Variants in WDPCP observed in about 807,000 individuals in gnomAD.
WDPCP encodes WD repeat containing planar cell polarity effector.
A neutral mutation model predicts 93.1 loss-of-function variants in WDPCP; 71 were observed. The observed-to-expected ratio is 0.76, with a 90% CI of 0.63 to 0.93. The LOEUF (loss-of-function observed/expected upper bound fraction) is 0.93, where lower values mean the gene tolerates loss of function less well. Among genes scored for constraint, WDPCP ranks in the 40% least tolerant of loss-of-function variants. WDPCP has a pLI of 0.00. For synonymous variants in WDPCP, 315 were observed against 315.0 expected (o/e 1.00, Z 0.00); for missense variants, 844 against 887.4 (o/e 0.95, Z 0.62).
At chr2:63,564,178 CATT>C (rs1369150901) in intron 1 of WDPCP, 2 of 152,150 alleles carry the variant, frequency 1.3e-5, no homozygotes, top group Non-Finnish European at 2.9e-5. Flanking sequence ...AAAGGTGCTT[CATT>C]ATAAGGGTCA....
At position 63,404,289 on chromosome 2, in the gene WDPCP, T is replaced by G. The variant is rs1694384456; in HGVS notation, c.1194A>C (p.Gln398His). ...SGAILLVGSN[Q>H]GELQIFDMAL... ...CCATATCAAAAATTTGCAACTCCCC[T>G]TGGTTGCTGCCAACTAGCAGAATGG... The change falls in exon 10 of 18, where the codon CAA becomes CAC. Residue 398 changes from glutamine to histidine, a missense_variant. Coordinates refer to ENST00000272321, the MANE Select transcript of WDPCP (RefSeq NM_015910.7). The G allele has an allele frequency of 6.2e-7, 1 of 1,614,012 alleles. No homozygotes were observed. The highest frequency in any genetic ancestry group is 1.7e-5 in the Admixed American group (1 of 59,970).
intron 10 of WDPCP, among the ~76,000 whole-genome samples, chr2:63,391,085 C>G (rs1031414246): frequency 6.6e-6 from 1 of 151,960 alleles, no homozygotes; most frequent in Non-Finnish European, 1.5e-5. Context: ...GAGACACACA[C>G]AAAAAAGAGA....
intron 14 of WDPCP, among the ~76,000 whole-genome samples, chr2:63,194,601 A>G (rs187286666): frequency 2.2e-4 from 34 of 152,304 alleles, no homozygotes; most frequent in African/African-American, 7.2e-4. Flanking sequence ...TCATCTTAGA[A>G]ATCTTTGATA....
intron 9 of WDPCP, among the ~76,000 whole-genome samples, chr2:63,413,174 A>C (rs1695147771): frequency 6.6e-6 from 1 of 152,236 alleles, no homozygotes; most frequent in South Asian, 2.1e-4. Context: ...AAAAATATGC[A>C]CACAGGCCAA....
rs544090035 is a variant in WDPCP, at chr2:63,556,733, G to A, written c.75+31464C>T. On this transcript the variant is annotated intron_variant, in intron 1 of 17. Coordinates refer to ENST00000272321, the MANE Select transcript of WDPCP (RefSeq NM_015910.7). ...CATAATCATCAGATTTTCCAAGGTC[G>A]AAATGAAGGAAAAAATGTTAAGGAC... is the stretch of plus-strand genomic sequence containing the variant. Among the ~76,000 whole-genome samples the A allele has an allele frequency of 1.9e-3, 295 of 151,876 alleles. 1 individual carries two copies. The highest frequency in any genetic ancestry group is 3.2e-3 in the Non-Finnish European group (219 of 67,910).
chr2:63,267,611 T>C (rs183602994), intron 13 of WDPCP, among the ~76,000 whole-genome samples: 1 of 152,266 alleles, frequency 6.6e-6, no homozygotes, highest in Admixed American at 6.5e-5. Flanking sequence ...ATCCAAAATA[T>C]ATAAGGAATT....
intron 13 of WDPCP, among the ~76,000 whole-genome samples, chr2:63,310,363 C>A (rs193222510): frequency 6.6e-6 from 1 of 152,180 alleles, no homozygotes; most frequent in East Asian, 1.9e-4. Flanking sequence ...CCTGAAAGAA[C>A]CCACCTCTTT....
In WDPCP at chr2:63,404,472, C is replaced by G. The variant is rs1694406253; in HGVS notation, c.1011G>C (p.Lys337Asn). 14 of 1,614,146 alleles carry G rather than the reference C, an allele frequency of 8.7e-6. No homozygotes were observed. The highest frequency in any genetic ancestry group is 1.3e-5 in the African/African-American group (1 of 75,056). ...QCVSVTRIPLKSKAISCCRNV... is the reference protein window; with the variant it reads ...QCVSVTRIPLNSKAISCCRNV... ...TCCTGCAGCAGCTGATGGCCTTTGA[C>G]TTTAGTGGTATTCTGGTGACTGACA... Residue 337 changes from lysine (K) to asparagine (N), a missense_variant, in exon 10 of 18, where the codon AAG (lysine) becomes AAC (asparagine). By Grantham distance (94) the Lys-to-Asn change is moderately conservative. Coordinates refer to ENST00000272321, the MANE Select transcript of WDPCP (RefSeq NM_015910.7).
intron 2 of WDPCP, among the ~76,000 whole-genome samples, chr2:63,667,993 G>T (rs1710302907): frequency 6.6e-6 from 1 of 152,112 alleles, no homozygotes; most frequent in Admixed American, 6.6e-5. Context: ...CCTTTCTCCA[G>T]TTCTCTTTGT....
At chr2:63,452,771 C>A (rs1402010523) in intron 6 of WDPCP, among the ~76,000 whole-genome samples, 1 of 151,914 alleles carries the variant, frequency 6.6e-6, no homozygotes, top group African/African-American at 2.4e-5. Context: ...CAGAACAGAG[C>A]CCTCAGAAAT....
At chr2:63,579,599 G>C (rs896211835) in intron 1 of WDPCP, among the ~76,000 whole-genome samples, 2 of 152,080 alleles carry the variant, frequency 1.3e-5, no homozygotes, top group African/African-American at 2.4e-5. Flanking sequence ...AACAGAGCTA[G>C]ACTCCATCTC....
In WDPCP at chr2:63,720,366, G is replaced by A. The variant is rs368792863; in HGVS notation, n.309-69528C>T. Among the ~76,000 whole-genome samples, 6 of 150,814 alleles carry A rather than the reference G, an allele frequency of 4.0e-5. No individual in the cohort carries two copies. The East Asian group carries it at 5.9e-4, about 15-fold the overall frequency. On this transcript the variant is annotated intron_variant and non_coding_transcript_variant, in intron 2 of 4. Transcript: ENST00000467687. ...CATGAGGCAGAGGTTGCGGCGAGCC[G>A]AGATTGCGCCACTGCACTCCAGCCC... is the stretch of plus-strand genomic sequence containing the variant.
chr2:63,647,136 G>C (rs1225763838), intron 3 of WDPCP, among the ~76,000 whole-genome samples: 1 of 151,558 alleles, frequency 6.6e-6, no homozygotes, highest in Non-Finnish European at 1.5e-5. Flanking sequence ...CATGCATTTT[G>C]TTGTTGTTGT....
At chr2:63,365,080 G>A (rs1249343473) in intron 12 of WDPCP, among the ~76,000 whole-genome samples, 2 of 152,202 alleles carry the variant, frequency 1.3e-5, no homozygotes, top group South Asian at 4.1e-4. Context: ...TTTGGCAACT[G>A]CAGTCAAAGT....
chr2:63,373,873 T>C (rs1691618716), intron 12 of WDPCP, among the ~76,000 whole-genome samples: 1 of 152,132 alleles, frequency 6.6e-6, no homozygotes, highest in African/African-American at 2.4e-5. Context: ...AGAATGAATA[T>C]CTTTATCTTC....
At chr2:63,332,149 A>G (rs1227023149) in intron 12 of WDPCP, among the ~76,000 whole-genome samples, 1 of 151,080 alleles carries the variant, frequency 6.6e-6, no homozygotes, top group Non-Finnish European at 1.5e-5. Context: ...TGTTCCAACC[A>G]TTCTAATAAT....
At chr2:63,306,958 G>A (rs377128978) in intron 13 of WDPCP, among the ~76,000 whole-genome samples, 1 of 152,180 alleles carries the variant, frequency 6.6e-6, no homozygotes, top group African/African-American at 2.4e-5. Flanking sequence ...AATTGTCTCT[G>A]TTTGCAGATG....
chr2:63,326,644 G>A (rs1407960790), intron 12 of WDPCP, among the ~76,000 whole-genome samples: 1 of 148,576 alleles, frequency 6.7e-6, no homozygotes, highest in African/African-American at 2.5e-5. Flanking sequence ...CAGAGAGAGA[G>A]GGAGAGGAAG....
intron 12 of WDPCP, among the ~76,000 whole-genome samples, chr2:63,344,491 C>T (rs536504375): frequency 6.6e-6 from 1 of 152,318 alleles, no homozygotes; most frequent in Non-Finnish European, 1.5e-5. Context: ...ATTTCTGAGC[C>T]TGTGTCCAGC....
Sources: gnomAD v4.1 joint callset for allele counts (sites outside exome capture counted in the v4.1 genomes callset) on GRCh38, gnomAD v4.1.1 for gene constraint, MANE v1.5 for transcripts, NCBI Gene and HGNC (gene_info 2026-07-23, HGNC 2026-07-21) for gene names.